The following RALGPS2 variants were observed in gnomAD, a reference collection of about 807,000 sequenced individuals.
The protein encoded by RALGPS2 is ras-specific guanine nucleotide-releasing factor RalGPS2.
A neutral mutation model predicts 86.8 loss-of-function variants in RALGPS2; 43 were observed. The observed-to-expected ratio is 0.50, with a 90% CI of 0.39 to 0.64. The LOEUF is 0.64. Ranked by LOEUF, RALGPS2 falls within the 30% of genes least tolerant of loss-of-function variation. The pLI is 0.00. For missense variants in RALGPS2, 536 were observed against 694.6 expected (o/e 0.77, Z 2.57); for synonymous variants, 243 against 231.3 (o/e 1.05, Z -0.46).
intron 2 of RALGPS2, among the ~76,000 whole-genome samples, chr1:178,777,429 G>T (rs896826263): frequency 2.0e-5 from 3 of 151,712 alleles, no homozygotes; most frequent in Non-Finnish European, 4.4e-5. Flanking sequence ...CATGCTCATG[G>T]GTAGGAAGAA....
rs77887163 is a variant in RALGPS2, at chr1:178,855,699, A to G, written c.608-21799A>G. ...TTATAAACATATTTTCCTTTAAGAC[A>G]TTGAAAATAGCTACAACCACTACTT... is the stretch of plus-strand genomic sequence containing the variant. On this transcript the variant is annotated intron_variant, in intron 8 of 19. Transcript: ENST00000367635. Among the ~76,000 whole-genome samples the G allele has an allele frequency of 4.7e-3, 712 of 151,956 alleles. 4 individuals carry two copies. Among genetic ancestry groups the G allele is most frequent in the African/African-American group, 0.016 (659 of 41,540 alleles).
chr1:178,765,832 C>G (rs1048806011), intron 1 of RALGPS2, among the ~76,000 whole-genome samples: 5 of 152,176 alleles, frequency 3.3e-5, no homozygotes, highest in African/African-American at 1.2e-4. Context: ...CTCCTATTTG[C>G]TTTTGAAAGA....
chr1:178,821,803 T>A lies in RALGPS2; in HGVS notation c.480+99T>A, dbSNP rs534941317. 7 of 960,298 alleles carry A rather than the reference T, an allele frequency of 7.3e-6. No individual in the cohort carries two copies. In the South Asian group the frequency reaches 1.2e-4, roughly 16 times the overall value. 59.5% of individuals were successfully genotyped at this position (960,298 alleles called of 1,614,324 possible). On this transcript the variant is annotated intron_variant, in intron 7 of 19. Transcript: ENST00000367635. Reference sequence around the variant, plus strand: ...ATTCTTATTAAAGTTAATATAATGATAATCAATAAGGATTTTTAAATTGCT... The same window carrying A: ...ATTCTTATTAAAGTTAATATAATGAAAATCAATAAGGATTTTTAAATTGCT...
intron 13 of RALGPS2, 70 bp downstream of exon 13, chr1:178,886,190 A>G (rs998277062): frequency 3.3e-6 from 5 of 1,495,984 alleles, no homozygotes; most frequent in Admixed American, 2.1e-5. Flanking sequence ...CTTGGCTGGA[A>G]AAAAACCCCA....
Position 178,894,152 on chromosome 1 carries a change from G to T in RALGPS2, c.1431+128G>T, listed in dbSNP as rs1659837621. ...TAGACTTGAAATAATATTAAATAAGGTCCTCCCCTCTTATCCTTGGGTCAT... is the reference window on the plus strand; with the variant it reads ...TAGACTTGAAATAATATTAAATAAGTTCCTCCCCTCTTATCCTTGGGTCAT... On this transcript the variant is annotated intron_variant, in intron 16 of 19. Transcript: ENST00000367635. 3 of 584,824 alleles carry T rather than the reference G, an allele frequency of 5.1e-6. No individual in the cohort carries two copies. In the South Asian group the frequency reaches 8.0e-5, roughly 16 times the overall value. 36.2% of individuals were successfully genotyped at this position (584,824 alleles called of 1,614,324 possible). A position where few individuals can be genotyped will look rare whatever the true frequency, so the allele number is the denominator to read the frequency against.
At chr1:178,898,001 A>G (rs1048922869) in intron 17 of RALGPS2, among the ~76,000 whole-genome samples, 2 of 151,938 alleles carry the variant, frequency 1.3e-5, no homozygotes. Context: ...TTCCTGTTCA[A>G]TATTGTTCAA....
intron 8 of RALGPS2, among the ~76,000 whole-genome samples, chr1:178,841,015 A>G (rs1656578510): frequency 6.6e-6 from 1 of 152,228 alleles, no homozygotes; most frequent in Admixed American, 6.5e-5. Context: ...TTAATAGCCT[A>G]CCAACCAAAG....
intron 7 of RALGPS2, among the ~76,000 whole-genome samples, chr1:178,822,448 G>T (rs906081918): frequency 3.0e-4 from 45 of 152,050 alleles, no homozygotes; most frequent in African/African-American, 1.0e-3. Context: ...TTTGTACAAA[G>T]GATCAATGTG....
At chr1:178,791,143 CAG>C (rs909239709) in intron 4 of RALGPS2, among the ~76,000 whole-genome samples, 4 of 152,060 alleles carry the variant, frequency 2.6e-5, no homozygotes, top group Non-Finnish European at 4.4e-5. Flanking sequence ...TTTTTTGAGA[CAG>C]AGTCTCACTG....
chr1:178,808,191 A>C (rs1440408156), intron 5 of RALGPS2, 63 bp downstream of exon 5: 2 of 1,153,766 alleles, frequency 1.7e-6, no homozygotes, highest in African/African-American at 3.1e-5. Context: ...CTTTTTCCTT[A>C]AGAAATAATT....
chr1:178,742,302 C>G (rs1651081757), intron 1 of RALGPS2, among the ~76,000 whole-genome samples: 1 of 151,972 alleles, frequency 6.6e-6, no homozygotes, highest in Non-Finnish European at 1.5e-5. Flanking sequence ...GTCAAAAGAG[C>G]ATTATGTGGC....
At chr1:178,847,892 T>A (rs1656944615) in intron 8 of RALGPS2, among the ~76,000 whole-genome samples, 1 of 152,224 alleles carries the variant, frequency 6.6e-6, no homozygotes, top group South Asian at 2.1e-4. Context: ...TGCTGTCTAA[T>A]TTTGGCATTT....
chr1:178,803,720 A>G (rs1334293548), intron 4 of RALGPS2, among the ~76,000 whole-genome samples: 1 of 152,132 alleles, frequency 6.6e-6, no homozygotes, highest in Admixed American at 6.6e-5. Context: ...AGAAATTTCA[A>G]GCTTGAAAGA....
At chr1:178,879,435 GAAGAA>G (rs1659137983) in intron 10 of RALGPS2, 1 of 153,080 alleles carries the variant, frequency 6.5e-6, no homozygotes, top group African/African-American at 2.4e-5. Context: ...TGTCTCAGGA[GAAGAA>G]ACCTTTCTCC....
chr1:178,913,050 G>A (rs1217106157), intron 19 of RALGPS2, among the ~76,000 whole-genome samples: 1 of 152,148 alleles, frequency 6.6e-6, no homozygotes, highest in Non-Finnish European at 1.5e-5. Context: ...GGGAGGCCAA[G>A]GCAGGCAGAT....
At chr1:178,833,692 T>A in intron 8 of RALGPS2, 142 bp downstream of exon 8, 2 of 1,332,158 alleles carry the variant, frequency 1.5e-6, no homozygotes, top group Non-Finnish European at 1.9e-6. Context: ...AAAAAATGAC[T>A]AAAGATAGTT....
intron 6 of RALGPS2, among the ~76,000 whole-genome samples, chr1:178,820,831 T>G (rs1313646711): frequency 1.3e-5 from 2 of 152,196 alleles, no homozygotes; most frequent in African/African-American, 2.4e-5. Context: ...TGTTTTTATT[T>G]GTTTTCTTCG....
At chr1:178,798,711 G>A (rs2102164795) in intron 4 of RALGPS2, among the ~76,000 whole-genome samples, 1 of 152,152 alleles carries the variant, frequency 6.6e-6, no homozygotes, top group South Asian at 2.1e-4. Flanking sequence ...CACACGTTTT[G>A]TGAAATATTG....
intron 1 of RALGPS2, among the ~76,000 whole-genome samples, chr1:178,759,527 C>CTTTTTTTTTTTTTTTTT: frequency 8.7e-6 from 1 of 115,056 alleles, no homozygotes; most frequent in Non-Finnish European, 1.9e-5. Context: ...CAGTTTTGTT[C>CTTTTTTTTTTTTTTTTT]TTTTTTTTTT....
Sources: gnomAD v4.1 joint callset for allele counts (sites outside exome capture counted in the v4.1 genomes callset) on GRCh38, gnomAD v4.1.1 for gene constraint, MANE v1.5 for transcripts, NCBI Gene and HGNC (gene_info 2026-07-23, HGNC 2026-07-21) for gene names.